Variants in TRMT11 observed in about 807,000 individuals in gnomAD.
TRMT11 encodes tRNA (guanine(10)-N(2))-methyltransferase TRMT11.
Under a neutral mutation model 62.8 loss-of-function variants are expected in TRMT11, and 53 were observed. The observed-to-expected ratio is 0.84, with a 90% CI of 0.68 to 1.06. TRMT11 has a LOEUF of 1.06. Among genes scored for constraint, TRMT11 ranks in the 50% least tolerant of loss-of-function variants. The probability of loss-of-function intolerance (pLI) is 0.00; values close to 1 mark genes in which losing one functional copy is unlikely to be tolerated. For synonymous variants in TRMT11, 188 were observed against 190.3 expected (o/e 0.99, Z 0.10); for missense variants, 556 against 553.4 (o/e 1.00, Z -0.05).
intron 17 of TRMT11, among the ~76,000 whole-genome samples, chr6:126,069,285 T>C (rs935708617): frequency 6.6e-6 from 1 of 152,224 alleles, no homozygotes; most frequent in East Asian, 1.9e-4. Flanking sequence ...GAAATTCTTT[T>C]GGCTCTGCCA....
chr6:126,224,249 T>C, the TRMT11 span, among the ~76,000 whole-genome samples: 896 of 152,380 alleles, frequency 5.9e-3, 1 homozygote, highest in Admixed American at 9.2e-3. Flanking sequence ...GTTCTGGCAT[T>C]CATTTTTCAT....
chr6:126,091,082 C>T lies in TRMT11; in HGVS notation c.*1438-21784C>T, dbSNP rs192293169. Among the ~76,000 whole-genome samples the T allele has an allele frequency of 6.2e-3, 949 of 151,902 alleles. 9 individuals carry two copies. Among genetic ancestry groups the T allele is most frequent in the Admixed American group, 0.01 (157 of 15,262 alleles). ...AAAATTAGCAGGGTGCGGTGGCAGG[C>T]GCCTGTAATCCCAGCTACGTGGGTG... On this transcript the variant is annotated intron_variant and NMD_transcript_variant, in intron 17 of 22. Coordinates refer to the TRMT11 transcript ENST00000648977.
At chr6:126,030,147 G>A (rs879710403) in intron 12 of TRMT11, among the ~76,000 whole-genome samples, 4 of 152,068 alleles carry the variant, frequency 2.6e-5, no homozygotes, top group Admixed American at 2.0e-4. Context: ...AATAGTATTG[G>A]ATGCCAGACT....
intron 1 of TRMT11, among the ~76,000 whole-genome samples, chr6:126,186,135 A>G (rs1404811774): frequency 1.3e-5 from 2 of 152,110 alleles, no homozygotes; most frequent in African/African-American, 4.8e-5. Flanking sequence ...GAGCTCTATA[A>G]TTTTCTTGTC....
intron 17 of TRMT11, among the ~76,000 whole-genome samples, chr6:126,054,446 C>G (rs553877641): frequency 6.8e-4 from 104 of 152,314 alleles, no homozygotes; most frequent in African/African-American, 2.4e-3. Flanking sequence ...AGAAACCTTC[C>G]TGACCCTGAC....
chr6:126,042,134 C>T (rs537821146), downstream of TRMT11, among the ~76,000 whole-genome samples: 5 of 152,208 alleles, frequency 3.3e-5, no homozygotes, highest in Admixed American at 3.3e-4. Context: ...AACATAGTGT[C>T]TAGAGTGTAA....
chr6:126,034,442 A>G (rs953609184), intron 12 of TRMT11, among the ~76,000 whole-genome samples: 2 of 152,154 alleles, frequency 1.3e-5, no homozygotes, highest in Non-Finnish European at 2.9e-5. Flanking sequence ...TGAATGCTGT[A>G]TGTCTTCCTT....
At chr6:126,228,454 A>C in the TRMT11 span, among the ~76,000 whole-genome samples, 27 of 152,222 alleles carry the variant, frequency 1.8e-4, no homozygotes, top group African/African-American at 6.3e-4. Context: ...ACTCTCCTCT[A>C]TCAAACCTAC....
upstream of TRMT11, among the ~76,000 whole-genome samples, chr6:126,173,587 A>G (rs1379360761): frequency 6.6e-6 from 1 of 152,220 alleles, no homozygotes; most frequent in Non-Finnish European, 1.5e-5. Context: ...GATGAGAAGC[A>G]TATGGGAAGC....
downstream of TRMT11, among the ~76,000 whole-genome samples, chr6:126,043,299 C>T (rs9388466): frequency 0.42 from 61,186 of 147,344 alleles, 14,970 homozygotes; most frequent in East Asian, 0.99. Context: ...TGAGAACATG[C>T]GGTGTTTTGT....
At chr6:126,153,397 A>G (rs1435439442) in intron 21 of TRMT11, among the ~76,000 whole-genome samples, 2 of 152,240 alleles carry the variant, frequency 1.3e-5, no homozygotes, top group African/African-American at 4.8e-5. Flanking sequence ...TAAACTGAAA[A>G]CAAGTTGTCT....
At chr6:126,119,690 T>G (rs879700575) in intron 21 of TRMT11, among the ~76,000 whole-genome samples, 9 of 152,034 alleles carry the variant, frequency 5.9e-5, no homozygotes, top group Admixed American at 5.9e-4. Flanking sequence ...ATATATCCTA[T>G]GAACATTATA....
chr6:126,174,573 CAG>C (rs1344036422), upstream of TRMT11, among the ~76,000 whole-genome samples: 1 of 152,192 alleles, frequency 6.6e-6, no homozygotes. Flanking sequence ...AAAAAACAAA[CAG>C]AGGTGTTTAT....
In TRMT11 at chr6:126,038,712, A is replaced by G; in HGVS notation, c.1268A>G (p.Asp423Gly). 6.4e-7 allele frequency: 1 copy of G among 1,558,544 alleles called. No individual in the cohort carries two copies. ...MEKVKKFENR[D>G]QYSHLLSDHF... ...TATTTTCCAACCAAACAGAATCGGG[A>G]CCAGTATTCACATCTGCTAAGTGAT... The change falls in exon 13 of 13, where the codon GAC (aspartate) becomes GGC (glycine). Residue 423 changes from aspartate to glycine, a missense_variant. By Grantham distance (94) the Asp-to-Gly change is moderately conservative (BLOSUM62 -1). Coordinates refer to ENST00000334379, the MANE Select transcript of TRMT11 (RefSeq NM_001031712.3).
intron 17 of TRMT11, among the ~76,000 whole-genome samples, chr6:126,084,153 T>C (rs1426975298): frequency 6.6e-6 from 1 of 152,180 alleles, no homozygotes; most frequent in African/African-American, 2.4e-5. Context: ...TTTTAATTTC[T>C]TTAGAAGTCT....
At chr6:126,119,780 A>T (rs1050741461) in intron 21 of TRMT11, among the ~76,000 whole-genome samples, 1 of 152,164 alleles carries the variant, frequency 6.6e-6, no homozygotes, top group South Asian at 2.1e-4. Context: ...TATTTATCAA[A>T]GGGATAAAGA....
At chr6:126,217,079 C>T in the TRMT11 span, among the ~76,000 whole-genome samples, 1 of 152,282 alleles carries the variant, frequency 6.6e-6, no homozygotes, top group African/African-American at 2.4e-5. Flanking sequence ...CGAATTGCTG[C>T]TTGATTCTTT....
chr6:126,119,320 A>G (rs1267050795), intron 21 of TRMT11, among the ~76,000 whole-genome samples: 1 of 151,982 alleles, frequency 6.6e-6, no homozygotes, highest in Admixed American at 6.6e-5. Flanking sequence ...TGTTCCCATT[A>G]CTTTCCCTGT....
chr6:126,141,943 G>A (rs1447838278), intron 21 of TRMT11, among the ~76,000 whole-genome samples: 1 of 152,002 alleles, frequency 6.6e-6, no homozygotes, highest in African/African-American at 2.4e-5. Flanking sequence ...CAGGGAAAGT[G>A]CTTCCAATTT....
Sources: allele counts gnomAD v4.1 joint callset (sites outside exome capture counted in the v4.1 genomes callset), GRCh38; gene constraint gnomAD v4.1.1; transcripts MANE v1.5; gene names NCBI Gene and HGNC (gene_info 2026-07-23, HGNC 2026-07-21).